Variants in TENM3 observed in about 807,000 individuals in gnomAD.
TENM3 encodes the protein teneurin transmembrane protein 3, also known as teneurin-3.
TENM3 carries 63 observed loss-of-function variants against 255.1 expected under a neutral mutation model. The ratio of observed to expected loss-of-function variants is 0.25; its 90% CI spans 0.20 to 0.30. The LOEUF (loss-of-function observed/expected upper bound fraction) is 0.30, where lower values mean the gene tolerates loss of function less well. Ranked by LOEUF, TENM3 falls within the 10% of genes least tolerant of loss-of-function variation. The pLI is 1.00. For synonymous variants in TENM3, 1,306 were observed against 1,322.3 expected, an observed-to-expected ratio of 0.99 and a Z score of 0.27; for missense variants, 2,929 against 3,461.1, an observed-to-expected ratio of 0.85 and a Z score of 3.86.
the TENM3 span, among the ~76,000 whole-genome samples, chr4:182,119,547 C>A: frequency 6.6e-6 from 1 of 152,204 alleles, no homozygotes; most frequent in South Asian, 2.1e-4. Flanking sequence ...ATTTATCTCT[C>A]CAAATTTGGG....
At chr4:182,575,759 C>G (rs993779690) in intron 3 of TENM3, among the ~76,000 whole-genome samples, 24 of 152,060 alleles carry the variant, frequency 1.6e-4, no homozygotes, top group African/African-American at 5.6e-4. Context: ...TTTAAAGTTA[C>G]GTGTCTTAGA....
the TENM3 span, among the ~76,000 whole-genome samples, chr4:181,516,818 T>C: frequency 6.6e-6 from 1 of 152,124 alleles, no homozygotes; most frequent in South Asian, 2.1e-4. Flanking sequence ...CCTTTTACTA[T>C]GTGCCAGGTT....
At chr4:181,544,436 A>AAAAAAAAAAAAC in the TENM3 span, among the ~76,000 whole-genome samples, 1 of 138,150 alleles carries the variant, frequency 7.2e-6, no homozygotes, top group Non-Finnish European at 1.6e-5. Context: ...AAAAAAAAAA[A>AAAAAAAAAAAAC]CTATAACTCG....
chr4:182,188,253 C>T (rs185124994), intron 1 of TENM3, among the ~76,000 whole-genome samples: 30 of 152,262 alleles, frequency 2.0e-4, no homozygotes, highest in African/African-American at 6.7e-4. Flanking sequence ...GAATTTATCA[C>T]TAATTGTGAC....
chr4:182,063,571 C>T, the TENM3 span, among the ~76,000 whole-genome samples: 1 of 152,178 alleles, frequency 6.6e-6, no homozygotes, highest in African/African-American at 2.4e-5. Flanking sequence ...AGACCTTGGA[C>T]ATAAAATCCA....
intron 3 of TENM3, among the ~76,000 whole-genome samples, chr4:182,599,032 A>G (rs908848862): frequency 6.6e-6 from 1 of 152,120 alleles, no homozygotes; most frequent in African/African-American, 2.4e-5. Flanking sequence ...TTCCTTGGAA[A>G]CATTTCTCCC....
chr4:182,517,452 C>A (rs1465526395), intron 3 of TENM3, among the ~76,000 whole-genome samples: 2 of 125,090 alleles, frequency 1.6e-5, no homozygotes, highest in Admixed American at 8.3e-5. Context: ...GGTGCGATCT[C>A]GGCTCGCTGC....
chr4:182,379,412 A>T (rs1767413690), intron 3 of TENM3, among the ~76,000 whole-genome samples: 1 of 152,164 alleles, frequency 6.6e-6, no homozygotes, highest in African/African-American at 2.4e-5. Context: ...GGGGCAGGGA[A>T]AAGGGACTGT....
At chr4:181,506,327 G>A in the TENM3 span, among the ~76,000 whole-genome samples, 15 of 151,720 alleles carry the variant, frequency 9.9e-5, no homozygotes, top group African/African-American at 2.9e-4. Flanking sequence ...TGAATATTTG[G>A]CCTTTTTACT....
the TENM3 span, among the ~76,000 whole-genome samples, chr4:182,037,831 T>A: frequency 1.3e-5 from 2 of 151,970 alleles, no homozygotes; most frequent in Admixed American, 6.6e-5. Context: ...TTTAAGAAAA[T>A]TTTTTATTTT....
At chr4:182,121,153 A>G in the TENM3 span, among the ~76,000 whole-genome samples, 1 of 151,836 alleles carries the variant, frequency 6.6e-6, no homozygotes. Context: ...CGCCCACACG[A>G]CACCCGGCTA....
chr4:182,064,780 G>T, the TENM3 span, among the ~76,000 whole-genome samples: 4 of 152,194 alleles, frequency 2.6e-5, no homozygotes, highest in African/African-American at 9.6e-5. Flanking sequence ...TCTGACATGG[G>T]CATAGAAACG....
intron 12 of TENM3, among the ~76,000 whole-genome samples, chr4:182,691,744 G>C (rs1043285013): frequency 6.6e-6 from 1 of 152,114 alleles, no homozygotes; most frequent in Non-Finnish European, 1.5e-5. Flanking sequence ...GCAATATTGT[G>C]ATTAAAATAG....
the TENM3 span, among the ~76,000 whole-genome samples, chr4:181,919,719 A>AC: frequency 6.6e-6 from 1 of 151,062 alleles, no homozygotes; most frequent in Non-Finnish European, 1.5e-5. Context: ...ATACAGAAAA[A>AC]TTTTTTTTTA....
At chr4:181,939,337 G>A in the TENM3 span, among the ~76,000 whole-genome samples, 3 of 152,276 alleles carry the variant, frequency 2.0e-5, no homozygotes, top group Admixed American at 6.5e-5. Flanking sequence ...TAGAATCGGC[G>A]TGTAGCCTGT....
At chr4:182,242,098 G>A (rs1579860141), upstream of TENM3, among the ~76,000 whole-genome samples, 1 of 136,022 alleles carries the variant, frequency 7.4e-6, no homozygotes, top group East Asian at 2.1e-4. Context: ...ATATATACAT[G>A]TGCACAAGGT....
At chr4:181,770,633 C>T in the TENM3 span, among the ~76,000 whole-genome samples, 1 of 138,284 alleles carries the variant, frequency 7.2e-6, no homozygotes, top group Non-Finnish European at 1.5e-5. Flanking sequence ...CAAGATTGAG[C>T]TACTGCACTC....
chr4:181,511,073 A>C, the TENM3 span, among the ~76,000 whole-genome samples: 2 of 152,194 alleles, frequency 1.3e-5, no homozygotes, highest in Admixed American at 6.5e-5. Flanking sequence ...GAAGAATATG[A>C]GTGGTCGCTG....
chr4:181,828,749 C>T, the TENM3 span, among the ~76,000 whole-genome samples: 6 of 152,120 alleles, frequency 3.9e-5, no homozygotes, highest in African/African-American at 9.6e-5. Flanking sequence ...CCACCACACC[C>T]GGCTAATTTT....
Sources: gnomAD v4.1 joint callset for allele counts (sites outside exome capture counted in the v4.1 genomes callset) on GRCh38, gnomAD v4.1.1 for gene constraint, MANE v1.5 for transcripts, NCBI Gene and HGNC (gene_info 2026-07-23, HGNC 2026-07-21) for gene names.